Variants in MTIF2 observed in about 807,000 individuals in gnomAD.
MTIF2 encodes the protein mitochondrial translational initiation factor 2.
MTIF2 carries 71 observed loss-of-function variants against 83.5 expected under a neutral mutation model. The observed-to-expected ratio is 0.85, with a 90% CI of 0.70 to 1.04. MTIF2 has a LOEUF of 1.04. MTIF2 is among the 50% of genes least tolerant of loss of function. The pLI is 0.00. For missense variants in MTIF2, 957 were observed against 846.5 expected (o/e 1.13, Z -1.62); for synonymous variants, 319 against 287.1 (o/e 1.11, Z -1.12).
At chr2:55,240,557 C>A (rs1676232243) in intron 13 of MTIF2, among the ~76,000 whole-genome samples, 1 of 151,876 alleles carries the variant, frequency 6.6e-6, no homozygotes, top group Non-Finnish European at 1.5e-5. Flanking sequence ...CCAGCCTGGG[C>A]AAATAGAGCA....
Position 55,240,092 on chromosome 2 carries a change from T to C in MTIF2, c.1789A>G (p.Lys597Glu), listed in dbSNP as rs750092362. 8 of 1,613,822 alleles carry C rather than the reference T, an allele frequency of 5.0e-6. No homozygotes were observed. Among genetic ancestry groups the C allele is most frequent in the Admixed American group, 3.3e-5 (2 of 60,008 alleles). Reference sequence around the variant, plus strand: ...TCTTCAACAAGACGGTAAATTATTTTGTGAAGTTTAATTTTTACTCCTTTT... The same window carrying C: ...TCTTCAACAAGACGGTAAATTATTTCGTGAAGTTTAATTTTTACTCCTTTT... ...AKKGVKIKLH[K>E]IIYRLVEDLQ... The change falls in exon 14 of 16, where the codon AAA (lysine) becomes GAA (glutamate). Residue 597 changes from lysine to glutamate, a missense_variant. Physicochemically the swap from Lys to Glu is moderately conservative, Grantham distance 56 (BLOSUM62 1). Around this residue, in one of 3 missense-constraint regions of MTIF2, gnomAD observed 221 missense variants for 180.6 expected, o/e 1.22. Coordinates refer to ENST00000263629, the MANE Select transcript of MTIF2 (RefSeq NM_002453.3).
chr2:55,237,492 G>A (rs1319607799), intron 14 of MTIF2, 64 bp from the exon 15 acceptor site: 2 of 1,475,436 alleles, frequency 1.4e-6, no homozygotes, highest in South Asian at 2.7e-5. Flanking sequence ...CGTAATTTCT[G>A]ACATTCTGTG....
intron 3 of MTIF2, among the ~76,000 whole-genome samples, chr2:55,266,738 T>C (rs1018339721): frequency 2.0e-5 from 3 of 148,558 alleles, no homozygotes; most frequent in Non-Finnish European, 4.5e-5. Context: ...GCTAGATAAC[T>C]AGGCATTAAA....
rs183531336 is a variant in MTIF2 at position 55,244,128 on chromosome 2, T to A, written c.1212A>T (p.Gly404=). ...TGGGATAGGCCTCATCAATTGTTTT[T>A]CCATTTTCATCAAACATTAAGCGTA... The part of the protein sequence containing the change: ...AKVRLMFDEN[G]KTIDEAYPSM... Residue 404 remains glycine, a synonymous_variant, in exon 11 of 16, where the codon GGA becomes GGT. Transcript: ENST00000263629. 4.3e-6 allele frequency: 7 copies of A among 1,614,148 alleles called. No individual in the cohort carries two copies. In the Admixed American group the frequency reaches 1.2e-4, roughly 27 times the overall value.
intron 14 of MTIF2, among the ~76,000 whole-genome samples, chr2:55,239,429 T>C (rs1020376862): frequency 2.0e-5 from 3 of 152,110 alleles, no homozygotes; most frequent in Admixed American, 6.6e-5. Flanking sequence ...GTAAAAGATA[T>C]ATAGGAGTTC....
In MTIF2 at chr2:55,254,801, T is replaced by G; in HGVS notation, c.356A>C (p.Asn119Thr). 1 of 1,598,524 alleles carries G rather than the reference T, an allele frequency of 6.3e-7. No homozygotes were observed. The highest frequency in any genetic ancestry group is 1.1e-5 in the South Asian group (1 of 88,098). Residue 119 changes from asparagine (N) to threonine (T), a missense_variant, in exon 6 of 16, where the codon AAC (asparagine) becomes ACC (threonine). Physicochemically the swap from Asn to Thr is moderately conservative, Grantham distance 65. This residue lies in a region of MTIF2 where 733 missense variants were observed against 648.7 expected (regional missense o/e 1.13). Transcript: ENST00000263629. ...CAGTGAATCTATGTCAATATCAGTG[T>G]TCAATAAAGCTTCATATACATAATC... is the stretch of plus-strand genomic sequence containing the variant. ...NTDYVYEALL[N>T]TDIDIDSLEA...
chr2:55,246,448 A>C lies in MTIF2; in HGVS notation c.995T>G (p.Met332Arg), dbSNP rs201366863. Residue 332 changes from methionine (M) to arginine (R), a missense_variant, in exon 10 of 16, where the codon ATG becomes AGG. Physicochemically the swap from Met to Arg is moderately conservative, Grantham distance 91 (BLOSUM62 -1). This residue lies in a region of MTIF2 where 733 missense variants were observed against 648.7 expected (regional missense o/e 1.13). Coordinates refer to ENST00000263629, the MANE Select transcript of MTIF2 (RefSeq NM_002453.3). Reference protein sequence around the residue: ...PVSALTGDNLMALAEATVALA... With the variant: ...PVSALTGDNLRALAEATVALA... ...AGCAACTGTTGCTTCTGCCAAAGCC[A>C]TCAGATTATCGCCCTTTAACAATAA... 1.9e-6 allele frequency: 3 copies of C among 1,613,608 alleles called. No homozygotes were observed. The highest frequency in any genetic ancestry group is 2.5e-6 in the Non-Finnish European group (3 of 1,179,730).
At chr2:55,242,315 G>T (rs1389624644) in intron 13 of MTIF2, among the ~76,000 whole-genome samples, 1 of 152,024 alleles carries the variant, frequency 6.6e-6, no homozygotes, top group Non-Finnish European at 1.5e-5. Flanking sequence ...ATCAAGTCAG[G>T]TTTCAAAGCA....
At chr2:55,257,803 T>G (rs1677658046) in intron 5 of MTIF2, among the ~76,000 whole-genome samples, 1 of 152,130 alleles carries the variant, frequency 6.6e-6, no homozygotes, top group Non-Finnish European at 1.5e-5. Flanking sequence ...TTTGTTTGTT[T>G]GGGGTTTTCT....
intron 15 of MTIF2, 23 bp from the exon 16 acceptor site, chr2:55,236,843 T>C (rs927452180): frequency 1.3e-6 from 2 of 1,526,406 alleles, no homozygotes; most frequent in Non-Finnish European, 1.8e-6. Flanking sequence ...AATTTAAGGT[T>C]AGTATATTCA....
intron 5 of MTIF2, among the ~76,000 whole-genome samples, chr2:55,255,502 A>G (rs1324379989): frequency 6.8e-6 from 1 of 147,056 alleles, no homozygotes; most frequent in Non-Finnish European, 1.5e-5. Flanking sequence ...TATATTATAT[A>G]TATATATATT....
intron 5 of MTIF2, among the ~76,000 whole-genome samples, chr2:55,256,301 TAC>T (rs59068934): frequency 0.082 from 12,354 of 149,866 alleles, 552 homozygotes; most frequent in Middle Eastern, 0.15. Flanking sequence ...TACACACATA[TAC>T]ACACACACAC....
Position 55,252,530 on chromosome 2 carries a change from T to C in MTIF2, c.788A>G (p.Asp263Gly), listed in dbSNP as rs1334019221. 6.2e-7 allele frequency: 1 copy of C among 1,614,062 alleles called. No homozygotes were observed. Among genetic ancestry groups the C allele is most frequent in the Non-Finnish European group, 8.5e-7 (1 of 1,180,012 alleles). The change falls in exon 8 of 16, where the codon GAT becomes GGT. Residue 263 changes from aspartate (D) to glycine (G), a missense_variant. Around this residue, in one of 3 missense-constraint regions of MTIF2, gnomAD observed 733 missense variants for 648.7 expected, o/e 1.13. Transcript: ENST00000263629. ...DIVVLVVAAD[D>G]GVMKQTVESI... ...TTCTACAGTTTGTTTCATCACTCCA[T>C]CATCTGCAGCTACAACCAATACGAC...
intron 4 of MTIF2, among the ~76,000 whole-genome samples, chr2:55,263,181 C>T (rs568566953): frequency 6.6e-6 from 1 of 152,276 alleles, no homozygotes; most frequent in South Asian, 2.1e-4. Flanking sequence ...TTTCTACCAA[C>T]GAACACTCCC....
intron 3 of MTIF2, among the ~76,000 whole-genome samples, chr2:55,264,554 T>TA (rs1289779367): frequency 1.3e-5 from 2 of 152,110 alleles, no homozygotes; most frequent in African/African-American, 2.4e-5. Flanking sequence ...CTTACACTCT[T>TA]AGAGTCTCTA....
intron 3 of MTIF2, among the ~76,000 whole-genome samples, chr2:55,265,981 C>A (rs1336531679): frequency 6.6e-6 from 1 of 152,026 alleles, no homozygotes; most frequent in African/African-American, 2.4e-5. Flanking sequence ...CTAGAGATGA[C>A]ATGAAGTATA....
chr2:55,236,761 C>A lies in MTIF2; in HGVS notation c.2071G>T (p.Asp691Tyr), dbSNP rs1675847711. 1.2e-6 allele frequency: 2 copies of A among 1,611,448 alleles called. No homozygotes were observed. The highest frequency in any genetic ancestry group is 2.7e-5 in the African/African-American group (2 of 74,932). Reference protein sequence around the residue: ...DDISIVKTGMDCGLSLDEDNM... With the variant: ...DDISIVKTGMYCGLSLDEDNM... ...TCTTCATCTAAACTGAGACCACAAT[C>A]CATTCCCGTTTTGACAATTGAAATG... The change falls in exon 16 of 16, where the codon GAT becomes TAT. Residue 691 changes from aspartate to tyrosine, a missense_variant. Around this residue, in one of 3 missense-constraint regions of MTIF2, gnomAD observed 221 missense variants for 180.6 expected, o/e 1.22. Transcript: ENST00000263629.
chr2:55,261,950 A>C (rs1229878045), intron 5 of MTIF2, among the ~76,000 whole-genome samples: 1 of 151,166 alleles, frequency 6.6e-6, no homozygotes, highest in East Asian at 1.9e-4. Context: ...CCAAAAAAAA[A>C]AAAAAAGAAA....
rs755014625 is a variant in MTIF2, at chr2:55,240,037, G to C, written c.1844C>G (p.Pro615Arg). ...TACTGGGTGCTCTTCCACAGCACAG[G>C]GTAATCTGCTGCTCAGTTCCTCTTG... is the stretch of plus-strand genomic sequence containing the variant. ...DLQEELSSRLPCAVEEHPVGE... is the reference protein window; with the variant it reads ...DLQEELSSRLRCAVEEHPVGE... Residue 615 changes from proline (P) to arginine (R), a missense_variant, in exon 14 of 16, where the codon CCC (proline) becomes CGC (arginine). Transcript: ENST00000263629. The C allele has an allele frequency of 2.5e-5, 40 of 1,612,712 alleles. No individual in the cohort carries two copies. The South Asian group carries it at 3.3e-4, about 13-fold the overall frequency.
Sources: allele counts gnomAD v4.1 joint callset (sites outside exome capture counted in the v4.1 genomes callset), GRCh38; gene constraint gnomAD v4.1.1; regional missense constraint gnomAD v4.1.1; transcripts MANE v1.5; gene names NCBI Gene and HGNC (gene_info 2026-07-23, HGNC 2026-07-21).